The following AP3D1 variants were observed in gnomAD, a reference collection of about 807,000 sequenced individuals.
AP3D1 encodes the protein AP-3 complex subunit delta-1.
A neutral mutation model predicts 147.6 loss-of-function variants in AP3D1; 51 were observed. The ratio of observed to expected loss-of-function variants is 0.35; its 90% CI spans 0.28 to 0.44. AP3D1 has a LOEUF of 0.44. Among genes scored for constraint, AP3D1 ranks in the 20% least tolerant of loss-of-function variants. The probability of loss-of-function intolerance (pLI) is 1.00; values close to 1 mark genes in which losing one functional copy is unlikely to be tolerated. For synonymous variants in AP3D1, 760 were observed against 663.0 expected (o/e 1.15, Z -2.25); for missense variants, 1,421 against 1,624.2 (o/e 0.87, Z 2.15).
At chr19:2,118,417 C>T (rs113034640) in intron 15 of AP3D1, among the ~76,000 whole-genome samples, 184 bp downstream of exon 15, 7 of 152,340 alleles carry the variant, frequency 4.6e-5, no homozygotes, top group East Asian at 3.9e-4. Flanking sequence ...ACGGATCCCC[C>T]GTCCTGCTGA....
chr19:2,114,648 C>A (rs1370933742), intron 21 of AP3D1, 100 bp downstream of exon 21: 3 of 550,264 alleles, frequency 5.5e-6, no homozygotes, highest in Non-Finnish European at 6.8e-6. Context: ...CCCCAGCCTG[C>A]CCACCCTGCA....
chr19:2,121,006 A>G lies in AP3D1; in HGVS notation c.1337T>C (p.Ile446Thr). 1 of 1,612,368 alleles carries G rather than the reference A, an allele frequency of 6.2e-7. No homozygotes were observed. Among genetic ancestry groups the G allele is most frequent in the East Asian group, 2.2e-5 (1 of 44,868 alleles). ...LIAAQMLDVA[I>T]RVKAIRKFAV... ...GAACTTGCGGATGGCCTTCACGCGG[A>G]TGGCCACGTCCAGCATTTGGGCGGC... The change falls in exon 14 of 32, where the codon ATC becomes ACC. Residue 446 changes from isoleucine to threonine, a missense_variant. By Grantham distance (89) the Ile-to-Thr change is moderately conservative (BLOSUM62 -1). Coordinates refer to ENST00000643116, the MANE Select transcript of AP3D1 (RefSeq NM_001261826.3).
At chr19:2,113,274 G>T in intron 23 of AP3D1, 62 bp downstream of exon 23, 2 of 921,948 alleles carry the variant, frequency 2.2e-6, no homozygotes, top group Non-Finnish European at 3.3e-6. Context: ...GCTCTTCCCT[G>T]AGTGCCAGGT....
chr19:2,139,371 CCA>C (rs960086138), intron 1 of AP3D1, among the ~76,000 whole-genome samples: 3 of 152,180 alleles, frequency 2.0e-5, no homozygotes, highest in African/African-American at 7.2e-5. Flanking sequence ...GCTGTGAAAA[CCA>C]CACTCAGGTT....
chr19:2,131,082 C>A (rs527695967), intron 5 of AP3D1, among the ~76,000 whole-genome samples: 2 of 152,380 alleles, frequency 1.3e-5, no homozygotes, highest in East Asian at 3.9e-4. Flanking sequence ...ATGGGCCAGA[C>A]AGCCTCTGTC....
rs775990850 is a variant in AP3D1, at chr19:2,118,792, G to A, written c.1522C>T (p.Arg508Trp). 25 of 1,613,650 alleles carry A rather than the reference G, an allele frequency of 1.5e-5. No individual in the cohort carries two copies. The highest frequency in any genetic ancestry group is 1.7e-4 in the Middle Eastern group (1 of 6,060). Residue 508 changes from arginine to tryptophan, a missense_variant, in exon 15 of 32, where the codon CGG becomes TGG. Arg to Trp is a moderately radical substitution (Grantham distance 101, BLOSUM62 -3). This residue lies in a region of AP3D1 where 310 missense variants were observed against 388.1 expected (regional missense o/e 0.80). Transcript: ENST00000643116. ...EPHHTLEAML[R>W]PRVTTLPGHI... ...CCTGGCAGCGTGGTGACTCTGGGCC[G>A]CAGCATGGCCTCCAAAGTGTGGTGT... is the stretch of plus-strand genomic sequence containing the variant.
chr19:2,109,800 G>T, intron 29 of AP3D1, 73 bp downstream of exon 29: 2 of 1,416,602 alleles, frequency 1.4e-6, no homozygotes, highest in Non-Finnish European at 2.0e-6. Flanking sequence ...CAGTCCCCGG[G>T]GCACAGGTGT....
Position 2,132,549 on chromosome 19 carries a change from T to G in AP3D1, c.384A>C (p.Thr128=), listed in dbSNP as rs1432119529. The G allele has an allele frequency of 1.2e-6, 2 of 1,610,030 alleles. No individual in the cohort carries two copies. The highest frequency in any genetic ancestry group is 1.1e-5 in the South Asian group (1 of 90,996). The change falls in exon 5 of 32, where the codon ACA becomes ACC. Residue 128 remains threonine, a synonymous_variant. Transcript: ENST00000643116. ...AGGACAGACCCGTCAGTGCAACACCTGTGTCGTACTGGCTGGGGCTGCTCA... is the reference window on the plus strand; with the variant it reads ...AGGACAGACCCGTCAGTGCAACACCGGTGTCGTACTGGCTGGGGCTGCTCA... ...KDLSSPSQYD[T]GVALTGLSCF...
chr19:2,140,087 C>T (rs1457610055), intron 1 of AP3D1, among the ~76,000 whole-genome samples: 2 of 152,010 alleles, frequency 1.3e-5, no homozygotes, highest in African/African-American at 4.8e-5. Context: ...ACACCTCACC[C>T]CAGGACTGTG....
intron 14 of AP3D1, among the ~76,000 whole-genome samples, chr19:2,119,849 G>A (rs1004897805): frequency 1.3e-5 from 2 of 152,104 alleles, no homozygotes; most frequent in Non-Finnish European, 2.9e-5. Flanking sequence ...AGCTGAAGCA[G>A]GACAATCACT....
chr19:2,132,453 G>C lies in AP3D1; in HGVS notation c.462+18C>G. On this transcript the variant is annotated intron_variant, in intron 5 of 31. Coordinates refer to ENST00000643116, the MANE Select transcript of AP3D1 (RefSeq NM_001261826.3). ...CAGAGCAGACATGCAGGGGTGGTGG[G>C]CAGGCTTACAAACTCACCAGTGTCA... 6.3e-7 allele frequency: 1 copy of C among 1,582,670 alleles called. No individual in the cohort carries two copies. The highest frequency in any genetic ancestry group is 8.7e-7 in the Non-Finnish European group (1 of 1,153,834).
intron 1 of AP3D1, among the ~76,000 whole-genome samples, chr19:2,140,480 C>T (rs962574421): frequency 6.8e-6 from 1 of 147,560 alleles, no homozygotes; most frequent in African/African-American, 2.5e-5. Context: ...ACTTGCTTGA[C>T]TTTTTTTTTT....
At position 2,136,168 on chromosome 19, in the gene AP3D1, C is replaced by T. The variant is rs139934325; in HGVS notation, c.354+843G>A. Among the ~76,000 whole-genome samples the T allele has an allele frequency of 3.9e-4, 60 of 152,360 alleles. No individual in the cohort carries two copies. The East Asian group carries it at 0.01, about 25-fold the overall frequency. On this transcript the variant is annotated intron_variant, in intron 4 of 31. Transcript: ENST00000643116. ...TCGCCCGCGGCCCAGGCGGGACGCC[C>T]AGCTCTATAACCTTGCCCACAACGG...
At chr19:2,160,266 G>A (rs2019685557) in intron 1 of AP3D1, among the ~76,000 whole-genome samples, 1 of 152,170 alleles carries the variant, frequency 6.6e-6, no homozygotes, top group Admixed American at 6.5e-5. Context: ...GGTGGCTCAA[G>A]CCTGTAATCC....
rs1363160408 is a variant in AP3D1 at position 2,113,321 on chromosome 19, C to T, written c.2679+15G>A. ...AGACACCGAGGCTGGCACTGGCCAG[C>T]TGCCAGTCTCTTACCGTGGATGGAA... On this transcript the variant is annotated intron_variant, in intron 23 of 31. Transcript: ENST00000643116. The T allele has an allele frequency of 1.7e-6, 2 of 1,183,656 alleles. No homozygotes were observed. Among genetic ancestry groups the T allele is most frequent in the Non-Finnish European group, 2.3e-6 (2 of 884,916 alleles). The allele number at this position is 1,183,656 out of a possible 1,614,324, so 73.3% of individuals were successfully genotyped here.
chr19:2,122,021 C>G, intron 11 of AP3D1, 142 bp from the exon 12 acceptor site: 1 of 954,456 alleles, frequency 1.0e-6, no homozygotes, highest in Non-Finnish European at 1.5e-6. Flanking sequence ...AGCAAGTATC[C>G]CAGCTGGAGC....
chr19:2,124,479 T>G (rs2018697321), intron 9 of AP3D1, among the ~76,000 whole-genome samples: 1 of 152,056 alleles, frequency 6.6e-6, no homozygotes, highest in African/African-American at 2.4e-5. Flanking sequence ...AAGAAAGACA[T>G]GAAGCCAGGG....
At chr19:2,130,294 G>C (rs1036339827) in intron 6 of AP3D1, 114 bp downstream of exon 6, 34 of 1,491,624 alleles carry the variant, frequency 2.3e-5, no homozygotes, top group Non-Finnish European at 3.0e-5. Context: ...CATGTTCCTG[G>C]ACTGAGCCCT....
Position 2,116,341 on chromosome 19 carries a change from C to G in AP3D1, c.2002-63G>C, listed in dbSNP as rs906713158. 2.6e-6 allele frequency: 4 copies of G among 1,509,460 alleles called. No individual in the cohort carries two copies. In the African/African-American group the frequency reaches 5.5e-5, roughly 21 times the overall value. The allele number at this position is 1,509,460 out of a possible 1,614,324, so 93.5% of individuals were successfully genotyped here. ...GGCAGGATACCCCTCTGTGGACGTC[C>G]ACCACCAGCCACCCAGCTGGGGAAG... On this transcript the variant is annotated intron_variant, in intron 17 of 31. Coordinates refer to ENST00000643116, the MANE Select transcript of AP3D1 (RefSeq NM_001261826.3).
Sources: gnomAD v4.1 joint callset for allele counts (sites outside exome capture counted in the v4.1 genomes callset) on GRCh38, gnomAD v4.1.1 for gene constraint, gnomAD v4.1.1 regional missense constraint, MANE v1.5 for transcripts, NCBI Gene and HGNC (gene_info 2026-07-23, HGNC 2026-07-21) for gene names.